The following ANKRD31 variants were observed in gnomAD, a reference collection of about 807,000 sequenced individuals.
ANKRD31 encodes the protein ankyrin repeat domain-containing protein 31.
ANKRD31 carries 147 observed loss-of-function variants against 186.0 expected under a neutral mutation model. The ratio of observed to expected loss-of-function variants is 0.79; its 90% confidence interval spans 0.69 to 0.91. ANKRD31 has a LOEUF of 0.91. Among genes scored for constraint, ANKRD31 ranks in the 40% least tolerant of loss-of-function variants. ANKRD31 has a pLI of 0.00. For missense variants in ANKRD31, 1,986 were observed against 2,148.8 expected, an observed-to-expected ratio of 0.92 and a Z score of 1.50; for synonymous variants, 673 against 736.4, an observed-to-expected ratio of 0.91 and a Z score of 1.39.
rs571629723 is a variant in ANKRD31, at chr5:75,209,821, A to C, written c.326+1007T>G. Among the ~76,000 whole-genome samples, 86 of 152,326 alleles carry C rather than the reference A, an allele frequency of 5.6e-4. No homozygotes were observed. The South Asian group carries it at 7.5e-3, about 13-fold the overall frequency. Reference sequence around the variant, plus strand: ...ATAATTTTCCTGCCTTATCAAACACAAATTGTGTTAAGTGAAACTGGCTTC... The same window carrying C: ...ATAATTTTCCTGCCTTATCAAACACCAATTGTGTTAAGTGAAACTGGCTTC... On this transcript the variant is annotated intron_variant, in intron 4 of 25. Coordinates refer to ENST00000506364, the MANE Select transcript of ANKRD31 (RefSeq NM_001372053.1).
intron 15 of ANKRD31, among the ~76,000 whole-genome samples, chr5:75,139,881 T>C (rs1029065860): frequency 6.6e-6 from 1 of 152,046 alleles, no homozygotes; most frequent in African/African-American, 2.4e-5. Context: ...CATAGAAAAG[T>C]TGGGACTCCA....
intron 17 of ANKRD31, among the ~76,000 whole-genome samples, chr5:75,134,692 C>G (rs553569943): frequency 1.4e-4 from 22 of 152,190 alleles, no homozygotes; most frequent in East Asian, 1.4e-3. Context: ...GATACCAAAG[C>G]CTGTTGTGTC....
At chr5:75,081,801 C>T (rs1352284449) in intron 24 of ANKRD31, among the ~76,000 whole-genome samples, 1 of 151,886 alleles carries the variant, frequency 6.6e-6, no homozygotes, top group Admixed American at 6.6e-5. Context: ...AATTCCAATT[C>T]CACCCTCAGG....
intron 6 of ANKRD31, among the ~76,000 whole-genome samples, chr5:75,199,335 C>G (rs1169774490): frequency 6.6e-6 from 1 of 152,152 alleles, no homozygotes; most frequent in East Asian, 1.9e-4. Flanking sequence ...CAGGAAGGAA[C>G]TTTGCTACAT....
intron 10 of ANKRD31, among the ~76,000 whole-genome samples, chr5:75,178,884 C>A (rs1406396678): frequency 1.3e-5 from 2 of 152,098 alleles, no homozygotes; most frequent in African/African-American, 4.8e-5. Context: ...TAACTAAGAT[C>A]AGAGCAGAAC....
chr5:75,211,914 C>T lies in ANKRD31; in HGVS notation c.289-1049G>A, dbSNP rs780782521. Among the ~76,000 whole-genome samples, 18 of 152,118 alleles carry T rather than the reference C, an allele frequency of 1.2e-4. 1 individual carries two copies. In the South Asian group the frequency reaches 1.2e-3, roughly 11 times the overall value. ...ATACATGATTTGCAAATATTTTCTC[C>T]CATTCCATAAGATGCTTTTATACTC... On this transcript the variant is annotated intron_variant, in intron 3 of 25. Transcript: ENST00000506364.
chr5:75,136,591 T>C (rs948235096), intron 17 of ANKRD31, among the ~76,000 whole-genome samples: 2 of 152,228 alleles, frequency 1.3e-5, no homozygotes, highest in Admixed American at 6.5e-5. Flanking sequence ...TCAACCATTG[T>C]GGAAGACAGT....
intron 23 of ANKRD31, among the ~76,000 whole-genome samples, chr5:75,088,865 G>A (rs1238169169): frequency 2.6e-5 from 4 of 152,150 alleles, no homozygotes; most frequent in Admixed American, 6.5e-5. Context: ...CTCCACAATC[G>A]CTACGTTGGA....
At chr5:75,223,065 G>C (rs1757403617) in intron 2 of ANKRD31, among the ~76,000 whole-genome samples, 1 of 152,142 alleles carries the variant, frequency 6.6e-6, no homozygotes, top group Non-Finnish European at 1.5e-5. Context: ...CACCAACAGT[G>C]TAAAAGCATT....
rs555087333 is a variant in ANKRD31, at chr5:75,076,964, T to C, written c.5647+3604A>G. ...TAAAAATACATATGCTCTAGTTATA[T>C]TGGGAAAATATTCTATTATTGTTAT... On this transcript the variant is annotated intron_variant, in intron 25 of 25. Transcript: ENST00000506364. Among the ~76,000 whole-genome samples, 3 of 152,338 alleles carry C rather than the reference T, an allele frequency of 2.0e-5. No homozygotes were observed. In the South Asian group the frequency reaches 6.2e-4, roughly 32 times the overall value.
chr5:75,226,483 C>A (rs888522334), intron 2 of ANKRD31, among the ~76,000 whole-genome samples: 1 of 151,998 alleles, frequency 6.6e-6, no homozygotes, highest in African/African-American at 2.4e-5. Context: ...CCTGATACCA[C>A]AGAATGGTAG....
intron 8 of ANKRD31, 21 bp downstream of exon 8, chr5:75,193,290 A>G (rs1755239481): frequency 6.5e-7 from 1 of 1,532,306 alleles, no homozygotes; most frequent in African/African-American, 1.4e-5. Context: ...CTGGAGATAA[A>G]GACATAATTT....
intron 3 of ANKRD31, among the ~76,000 whole-genome samples, chr5:75,212,897 GC>G (rs1313405838): frequency 6.6e-6 from 1 of 152,142 alleles, no homozygotes; most frequent in Admixed American, 6.5e-5. Flanking sequence ...GGCTGAACTT[GC>G]AAGCATTTTC....
intron 17 of ANKRD31, among the ~76,000 whole-genome samples, chr5:75,129,093 A>C (rs907136789): frequency 6.6e-6 from 1 of 152,144 alleles, no homozygotes; most frequent in Non-Finnish European, 1.5e-5. Context: ...GTTTAGCCCC[A>C]TCCCCCTAGT....
Position 75,193,482 on chromosome 5 carries a change from G to C in ANKRD31, c.1127C>G (p.Ser376Cys). 1.3e-6 allele frequency: 2 copies of C among 1,537,270 alleles called. No individual in the cohort carries two copies. The highest frequency in any genetic ancestry group is 1.7e-6 in the Non-Finnish European group (2 of 1,146,772). Residue 376 changes from serine to cysteine, a missense_variant, in exon 8 of 26, where the codon TCT (serine) becomes TGT (cysteine). Physicochemically the swap from Ser to Cys is moderately radical, Grantham distance 112. Coordinates refer to ENST00000506364, the MANE Select transcript of ANKRD31 (RefSeq NM_001372053.1). Reference sequence around the variant, plus strand: ...CAACACACACGCAGTTTCCTGATCAGAGCTATTTGTCACTGAATTTGAATT... The same window carrying C: ...CAACACACACGCAGTTTCCTGATCACAGCTATTTGTCACTGAATTTGAATT... ...KRNSNSVTNS[S>C]DQETACVLRR...
At chr5:75,213,702 G>GT (rs771150568) in intron 3 of ANKRD31, among the ~76,000 whole-genome samples, 31 of 152,034 alleles carry the variant, frequency 2.0e-4, no homozygotes, top group Middle Eastern at 3.4e-3. Flanking sequence ...TTTTCTTGTT[G>GT]TTTTTTTTGT....
chr5:75,222,771 G>A (rs1757382739), intron 2 of ANKRD31, among the ~76,000 whole-genome samples: 1 of 152,152 alleles, frequency 6.6e-6, no homozygotes, highest in South Asian at 2.1e-4. Context: ...TCCCTGCAAA[G>A]GACATGATCT....
At chr5:75,160,415 G>T (rs1752494776) in intron 11 of ANKRD31, among the ~76,000 whole-genome samples, 2 of 152,016 alleles carry the variant, frequency 1.3e-5, no homozygotes, top group Admixed American at 6.6e-5. Context: ...AAGCAGTATA[G>T]GTGGGAAAAA....
chr5:75,178,686 C>T (rs373239861), intron 10 of ANKRD31, among the ~76,000 whole-genome samples: 6 of 152,054 alleles, frequency 3.9e-5, no homozygotes, highest in African/African-American at 7.2e-5. Context: ...TTGAAACCAA[C>T]GAGAACAAAG....
Sources: allele counts gnomAD v4.1 joint callset (sites outside exome capture counted in the v4.1 genomes callset), GRCh38; gene constraint gnomAD v4.1.1; transcripts MANE v1.5; gene names NCBI Gene and HGNC (gene_info 2026-07-23, HGNC 2026-07-21).